The following KIF21B variants were observed in gnomAD, a reference collection of about 807,000 sequenced individuals.
KIF21B encodes kinesin-like protein KIF21B.
A neutral mutation model predicts 192.9 loss-of-function variants in KIF21B; 85 were observed. That is an observed-to-expected ratio of 0.44 (90% CI 0.37 to 0.53). The LOEUF (loss-of-function observed/expected upper bound fraction) is 0.53, where lower values mean the gene tolerates loss of function less well. Among genes scored for constraint, KIF21B ranks in the 20% least tolerant of loss-of-function variants. The probability of loss-of-function intolerance (pLI) is 0.00; values close to 1 mark genes in which losing one functional copy is unlikely to be tolerated. For missense variants in KIF21B, 1,716 were observed against 2,194.8 expected (o/e 0.78, Z 4.36); for synonymous variants, 832 against 884.6 (o/e 0.94, Z 1.05).
Position 200,990,462 on chromosome 1 carries a change from C to A in KIF21B, c.2835+114G>T. ...CAGCACCTCTGGATTCCAGAGCAGG[C>A]AAAAGGAGCAGAGGGAAGTGGGGCA... On this transcript the variant is annotated intron_variant, in intron 19 of 34. Coordinates refer to ENST00000461742, the MANE Select transcript of KIF21B (RefSeq NM_001252102.2). The surrounding 1 kb of genome is among the most constrained non-coding windows in gnomAD (Gnocchi z 5.4). 1 of 1,488,188 alleles carries A rather than the reference C, an allele frequency of 6.7e-7. No homozygotes were observed. The highest frequency in any genetic ancestry group is 9.1e-7 in the Non-Finnish European group (1 of 1,093,460). 92.2% of individuals were successfully genotyped at this position (1,488,188 alleles called of 1,614,324 possible).
chr1:200,973,539 G>A lies in KIF21B; in HGVS notation c.4854C>T (p.Pro1618=), dbSNP rs548341405. The A allele has an allele frequency of 3.6e-5, 54 of 1,488,668 alleles. 1 individual carries two copies. In the South Asian group the frequency reaches 6.8e-4, roughly 19 times the overall value. The allele number at this position is 1,488,668 out of a possible 1,614,324, so 92.2% of individuals were successfully genotyped here. A position where few individuals can be genotyped will look rare whatever the true frequency, so the allele number is the denominator to read the frequency against. ...TVKFWSVRRL[P]HSGPP ...CTCACTCCTAGGGTGGGCCGCTGTG[G>A]GGTAACCGCCGGACACTCCAGAACT... The change falls in exon 35 of 35, where the codon CCC becomes CCT. Residue 1618 remains proline, a synonymous_variant. Transcript: ENST00000461742.
intron 1 of KIF21B, among the ~76,000 whole-genome samples, chr1:201,015,482 G>C (rs1316607674): frequency 6.6e-6 from 1 of 152,228 alleles, no homozygotes; most frequent in Non-Finnish European, 1.5e-5. Flanking sequence ...CTAGAAGCTG[G>C]TGAGACAGCC....
chr1:200,979,454 TG>T, intron 30 of KIF21B, 80 bp downstream of exon 30: 1 of 1,126,718 alleles, frequency 8.9e-7, no homozygotes, highest in Non-Finnish European at 1.2e-6. Context: ...CTGTGCTGAG[TG>T]GGTCACTTGG....
chr1:200,974,872 G>T lies in KIF21B; in HGVS notation c.4656C>A (p.Ala1552=). The T allele has an allele frequency of 6.2e-7, 1 of 1,614,140 alleles. No homozygotes were observed. Among genetic ancestry groups the T allele is most frequent in the Non-Finnish European group, 8.5e-7 (1 of 1,180,026 alleles). Residue 1552 remains alanine (A), a synonymous_variant, in exon 34 of 35, where the codon GCC becomes GCA. Coordinates refer to ENST00000461742, the MANE Select transcript of KIF21B (RefSeq NM_001252102.2). The part of the protein sequence containing the change: ...NAHKDWVCAL[A]FIPGRPMLLS... Reference sequence around the variant, plus strand: ...GCAGCATGGGGCGGCCCGGGATGAAGGCCAGGGCGCACACCCAGTCCTTGT... The same window carrying T: ...GCAGCATGGGGCGGCCCGGGATGAATGCCAGGGCGCACACCCAGTCCTTGT...
intron 16 of KIF21B, among the ~76,000 whole-genome samples, 169 bp downstream of exon 16, chr1:200,992,113 C>T (rs1054025288): frequency 1.3e-4 from 20 of 152,240 alleles, no homozygotes; most frequent in Non-Finnish European, 2.6e-4. Context: ...CCAGAAGCCA[C>T]AGGGTCTCAT....
Position 201,000,899 on chromosome 1 carries a change from G to A in KIF21B, c.1403-119C>T. On this transcript the variant is annotated intron_variant, in intron 9 of 34. Transcript: ENST00000461742. This position sits in a 1 kb window ranked among gnomAD's most constrained non-coding sequence, Gnocchi z 6.0. ...AAGGCGGGCGGATCACCTGAGGCTG[G>A]GAGTTCGAGACTAGCCTGACCAACA... 1.0e-6 allele frequency: 1 copy of A among 965,510 alleles called. No homozygotes were observed. Among genetic ancestry groups the A allele is most frequent in the Admixed American group, 1.9e-5 (1 of 53,082 alleles). 59.8% of individuals were successfully genotyped at this position (965,510 alleles called of 1,614,324 possible).
chr1:200,975,992 A>C lies in KIF21B; in HGVS notation c.4444-323T>G, dbSNP rs1331918638. Among the ~76,000 whole-genome samples the C allele has an allele frequency of 2.0e-5, 3 of 152,056 alleles. No individual in the cohort carries two copies. The highest frequency in any genetic ancestry group is 4.4e-5 in the Non-Finnish European group (3 of 67,984). On this transcript the variant is annotated intron_variant, in intron 32 of 34. Transcript: ENST00000461742. The surrounding 1 kb of genome is among the most constrained non-coding windows in gnomAD (Gnocchi z 4.3). ...ACAGCTCAACAGGCAGCTGCTAAGG[A>C]GAAGGGTGGGTTTAGGGTGTGAGCC... is the stretch of plus-strand genomic sequence containing the variant.
At chr1:200,993,897 G>A (rs1017981064) in intron 15 of KIF21B, among the ~76,000 whole-genome samples, 1 of 152,144 alleles carries the variant, frequency 6.6e-6, no homozygotes, top group African/African-American at 2.4e-5. Context: ...CTGCAGAGAA[G>A]AGGAGGGATT....
chr1:200,992,173 G>A, intron 16 of KIF21B, 109 bp downstream of exon 16: 1 of 858,322 alleles, frequency 1.2e-6, no homozygotes, highest in Non-Finnish European at 1.9e-6. Context: ...TTACCACTTA[G>A]GACAGTGGAG....
chr1:201,005,548 C>G lies in KIF21B; in HGVS notation c.594G>C (p.Glu198Asp), dbSNP rs954474230. The stretch of plus-strand genomic sequence containing the variant: ...CAGACCTCCAGCAGAGGCTCACCTC[C>G]TCCTGGGAGTGGATGAGGCGAGAAG... ...GVTSRLIHSQ[E>D]ELIQCLKQGA... The change falls in exon 4 of 35, where the codon GAG (glutamate) becomes GAC (aspartate). Residue 198 changes from glutamate to aspartate, a missense_variant. Glu to Asp is a conservative substitution (Grantham distance 45). Transcript: ENST00000461742. The G allele has an allele frequency of 1.9e-6, 3 of 1,612,666 alleles. No homozygotes were observed. The South Asian group carries it at 3.3e-5, about 18-fold the overall frequency.
At position 200,990,083 on chromosome 1, in the gene KIF21B, C is replaced by A; in HGVS notation, c.3031-40G>T. 1 of 1,609,370 alleles carries A rather than the reference C, an allele frequency of 6.2e-7. No individual in the cohort carries two copies. The highest frequency in any genetic ancestry group is 1.1e-5 in the South Asian group (1 of 90,920). On this transcript the variant is annotated intron_variant, in intron 20 of 34. Transcript: ENST00000461742. The surrounding 1 kb of genome is among the most constrained non-coding windows in gnomAD (Gnocchi z 5.4). ...CAGAGAGCCCCGTCACCTGGGGCTA[C>A]CCCTGCCACCCATCTCTCCCGCCTC...
Position 200,990,185 on chromosome 1 carries a change from C to A in KIF21B, c.2983G>T (p.Gly995Cys), listed in dbSNP as rs973528778. 6.2e-7 allele frequency: 1 copy of A among 1,614,048 alleles called. No individual in the cohort carries two copies. The highest frequency in any genetic ancestry group is 1.6e-4 in the Middle Eastern group (1 of 6,062). The part of the protein sequence containing the change: ...LAANIDYIND[G>C]ITDCQATIVQ... The stretch of plus-strand genomic sequence containing the variant: ...ATGGTGGCCTGGCAGTCGGTGATGC[C>A]GTCATTGATGTAGTCAATGTTGGCT... Residue 995 changes from glycine to cysteine, a missense_variant, in exon 20 of 35, where the codon GGC (glycine) becomes TGC (cysteine). This residue lies in a region of KIF21B where 49 missense variants were observed against 102.6 expected (regional missense o/e 0.48). Transcript: ENST00000461742. The surrounding 1 kb of genome is among the most constrained non-coding windows in gnomAD (Gnocchi z 5.4).
In KIF21B at chr1:200,990,191, T is replaced by G. The variant is rs1408817244; in HGVS notation, c.2977A>C (p.Asn993His). The change falls in exon 20 of 35, where the codon AAT (asparagine) becomes CAT (histidine). Residue 993 changes from asparagine (N) to histidine (H), a missense_variant. Asn to His is a moderately conservative substitution (Grantham distance 68). Transcript: ENST00000461742. This position sits in a 1 kb window ranked among gnomAD's most constrained non-coding sequence, Gnocchi z 5.4. Reference protein sequence around the residue: ...EVLAANIDYINDGITDCQATI... With the variant: ...EVLAANIDYIHDGITDCQATI... ...GCCTGGCAGTCGGTGATGCCGTCAT[T>G]GATGTAGTCAATGTTGGCTGCCAGC... 1.7e-5 allele frequency: 28 copies of G among 1,613,972 alleles called. No individual in the cohort carries two copies. Among genetic ancestry groups the G allele is most frequent in the Non-Finnish European group, 2.2e-5 (26 of 1,180,008 alleles).
chr1:200,989,825 C>T, intron 21 of KIF21B, 117 bp downstream of exon 21: 1 of 763,748 alleles, frequency 1.3e-6, no homozygotes, highest in Non-Finnish European at 2.2e-6. Flanking sequence ...GGCGGCTTGT[C>T]CTAGCCTGTG....
At chr1:200,976,272 A>G (rs1655543407) in intron 32 of KIF21B, among the ~76,000 whole-genome samples, 1 of 152,050 alleles carries the variant, frequency 6.6e-6, no homozygotes, top group African/African-American at 2.4e-5. Context: ...TTGTATTTTT[A>G]GTAGAGACAG....
chr1:200,997,814 A>G (rs1657172509), intron 14 of KIF21B, among the ~76,000 whole-genome samples: 1 of 152,168 alleles, frequency 6.6e-6, no homozygotes, highest in Non-Finnish European at 1.5e-5. Flanking sequence ...CTTCCTGGCT[A>G]TACTTATCAC....
intron 17 of KIF21B, 93 bp from the exon 18 acceptor site, chr1:200,991,242 A>G: frequency 1.0e-6 from 1 of 983,804 alleles, no homozygotes; most frequent in East Asian, 2.6e-5. Flanking sequence ...CAGCAGGAAC[A>G]CAGAGGCTGC....
At position 200,970,279 on chromosome 1, in the gene KIF21B, T is replaced by C. The variant is rs1424542469; in HGVS notation, c.*3242A>G. ...GTTTTCCCCATGTGGTTTTGTGCTT[T>C]AAACTGCCCTCTGCCCAGGCCACAC... On this transcript the variant is annotated 3_prime_UTR_variant, in exon 35 of 35. Transcript: ENST00000461742. The C allele has an allele frequency of 4.6e-5, 7 of 152,888 alleles. No individual in the cohort carries two copies. Among genetic ancestry groups the C allele is most frequent in the Admixed American group, 2.0e-4 (3 of 15,282 alleles). The allele number at this position is 152,888 out of a possible 1,614,324, so 9.5% of individuals were successfully genotyped here.
rs779310643 is a variant in KIF21B at position 200,999,399 on chromosome 1, G to A, written c.1835C>T (p.Ser612Leu). The A allele has an allele frequency of 2.3e-5, 37 of 1,614,058 alleles. No homozygotes were observed. Among genetic ancestry groups the A allele is most frequent in the Non-Finnish European group, 3.0e-5 (35 of 1,180,014 alleles). ...GTCCACCAGGCTCTCTTCACTGCCC[G>A]AGTCCTCATCTTCATCCTCGCGCCC... Reference protein sequence around the residue: ...EEGREDEDEDSGSEESLVDSD... With the variant: ...EEGREDEDEDLGSEESLVDSD... The change falls in exon 13 of 35, where the codon TCG becomes TTG. Residue 612 changes from serine to leucine, a missense_variant. Around this residue, in one of 3 missense-constraint regions of KIF21B, gnomAD observed 1,087 missense variants for 1,316.6 expected, o/e 0.83. Coordinates refer to ENST00000461742, the MANE Select transcript of KIF21B (RefSeq NM_001252102.2). This position sits in a 1 kb window ranked among gnomAD's most constrained non-coding sequence, Gnocchi z 4.7.
Sources: gnomAD v4.1 joint callset for allele counts (sites outside exome capture counted in the v4.1 genomes callset) on GRCh38, gnomAD v4.1.1 for gene constraint, gnomAD v4.1.1 regional missense constraint, Gnocchi (gnomAD v3.1) non-coding constraint, MANE v1.5 for transcripts, NCBI Gene and HGNC (gene_info 2026-07-23, HGNC 2026-07-21) for gene names.